RSPO2: variants seen among roughly 807,000 people sequenced by gnomAD.
The protein encoded by RSPO2 is R-spondin 2, also known as R-spondin-2.
A neutral mutation model predicts 30.9 loss-of-function variants in RSPO2; 14 were observed. The observed-to-expected ratio is 0.45, with a 90% CI of 0.30 to 0.71. RSPO2 has a LOEUF of 0.71. Among genes scored for constraint, RSPO2 ranks in the 30% least tolerant of loss-of-function variants. The probability of loss-of-function intolerance (pLI) is 0.08; values close to 1 mark genes in which losing one functional copy is unlikely to be tolerated. For synonymous variants in RSPO2, 107 were observed against 96.4 expected, an observed-to-expected ratio of 1.11 and a Z score of -0.64; for missense variants, 264 against 301.9, an observed-to-expected ratio of 0.87 and a Z score of 0.93.
intron 2 of RSPO2, among the ~76,000 whole-genome samples, chr8:107,995,893 T>C (rs1157063735): frequency 6.6e-6 from 1 of 152,196 alleles, no homozygotes; most frequent in East Asian, 1.9e-4. Context: ...ATACTCACTA[T>C]GGTATTTTGT....
At chr8:107,985,731 G>T in intron 3 of RSPO2, among the ~76,000 whole-genome samples, 1 of 152,096 alleles carries the variant, frequency 6.6e-6, no homozygotes, top group East Asian at 1.9e-4. Flanking sequence ...TTTCATTAAT[G>T]AATGAGAAAA....
chr8:108,037,043 A>G (rs937151029), intron 2 of RSPO2, among the ~76,000 whole-genome samples: 8 of 152,148 alleles, frequency 5.3e-5, no homozygotes, highest in Admixed American at 5.2e-4. Flanking sequence ...AATTAAGACA[A>G]TTAGTAACCC....
chr8:108,032,143 A>G (rs920395916), intron 2 of RSPO2, among the ~76,000 whole-genome samples: 3 of 152,254 alleles, frequency 2.0e-5, no homozygotes, highest in African/African-American at 7.2e-5. Flanking sequence ...GTTCTACTAT[A>G]AAGTTAAGAT....
chr8:108,015,821 C>A (rs1175140867), intron 2 of RSPO2, among the ~76,000 whole-genome samples: 1 of 152,112 alleles, frequency 6.6e-6, no homozygotes, highest in Non-Finnish European at 1.5e-5. Context: ...GCAATAATTT[C>A]TGGATAAAAT....
chr8:108,052,530 C>T (rs551477392), intron 2 of RSPO2, among the ~76,000 whole-genome samples: 1 of 152,092 alleles, frequency 6.6e-6, no homozygotes, highest in Non-Finnish European at 1.5e-5. Flanking sequence ...TTCAGGGAAT[C>T]TTTCCAAAGC....
intron 2 of RSPO2, among the ~76,000 whole-genome samples, chr8:108,065,914 T>C (rs1237898767): frequency 6.6e-6 from 1 of 152,124 alleles, no homozygotes; most frequent in Admixed American, 6.5e-5. Flanking sequence ...GGTGGGTGCC[T>C]GTAATCCCAG....
At chr8:108,061,534 G>C (rs1812463882) in intron 2 of RSPO2, among the ~76,000 whole-genome samples, 1 of 151,658 alleles carries the variant, frequency 6.6e-6, no homozygotes, top group African/African-American at 2.4e-5. Context: ...GATTCATAAA[G>C]CAAATCCTTA....
chr8:107,901,596 T>G (rs1811465478), intron 5 of RSPO2, among the ~76,000 whole-genome samples: 1 of 152,228 alleles, frequency 6.6e-6, no homozygotes, highest in Admixed American at 6.5e-5. Flanking sequence ...ATAGCAAACA[T>G]ACCAGAAGTT....
rs148698030 is a variant in RSPO2, at chr8:107,954,608, T to A, written c.616+3472A>T. Among the ~76,000 whole-genome samples the A allele has an allele frequency of 8.4e-3, 558 of 66,220 alleles. 2 individuals are homozygous for A. The highest frequency in any genetic ancestry group is 0.016 in the African/African-American group (460 of 28,616). 43.4% of individuals were successfully genotyped at this position (66,220 alleles called of 152,430 possible). A position where few individuals can be genotyped will look rare whatever the true frequency, so the allele number is the denominator to read the frequency against. ...CCATCTTTTATTTATTTATTTATTT[T>A]ATTTATTTATTTATTTATTTTGAGA... is the stretch of plus-strand genomic sequence containing the variant. On this transcript the variant is annotated intron_variant, in intron 5 of 5. Coordinates refer to ENST00000276659, the MANE Select transcript of RSPO2 (RefSeq NM_178565.5).
At chr8:107,968,108 G>C (rs1371408894) in intron 3 of RSPO2, among the ~76,000 whole-genome samples, 1 of 151,964 alleles carries the variant, frequency 6.6e-6, no homozygotes, top group African/African-American at 2.4e-5. Context: ...ATCCAAAAGA[G>C]GGGAAATCAA....
chr8:108,064,288 A>G (rs1449313536), intron 2 of RSPO2, among the ~76,000 whole-genome samples: 1 of 152,192 alleles, frequency 6.6e-6, no homozygotes, highest in Non-Finnish European at 1.5e-5. Flanking sequence ...TCCTCTGACA[A>G]AGGGCTAATA....
intron 2 of RSPO2, among the ~76,000 whole-genome samples, chr8:108,035,087 C>G (rs1811547977): frequency 6.6e-6 from 1 of 152,166 alleles, no homozygotes; most frequent in Admixed American, 6.5e-5. Context: ...AGCTGGGGAA[C>G]AGAGAGATTG....
At chr8:108,064,318 A>G (rs1812583716) in intron 2 of RSPO2, among the ~76,000 whole-genome samples, 1 of 151,948 alleles carries the variant, frequency 6.6e-6, no homozygotes, top group Admixed American at 6.6e-5. Flanking sequence ...TACAAAAAAA[A>G]CAAATTTACA....
chr8:107,926,176 T>A (rs1418935344), intron 5 of RSPO2, among the ~76,000 whole-genome samples: 1 of 152,186 alleles, frequency 6.6e-6, no homozygotes, highest in Non-Finnish European at 1.5e-5. Context: ...CATTTTTTCA[T>A]GTGTTTTTTG....
chr8:107,971,739 G>C (rs957033054), intron 3 of RSPO2, among the ~76,000 whole-genome samples: 2 of 152,110 alleles, frequency 1.3e-5, no homozygotes, highest in Non-Finnish European at 2.9e-5. Flanking sequence ...CATTTTTCAC[G>C]TCATTTCCCT....
intron 3 of RSPO2, among the ~76,000 whole-genome samples, chr8:107,974,387 C>A (rs1351443852): frequency 6.6e-6 from 1 of 151,888 alleles, no homozygotes; most frequent in Non-Finnish European, 1.5e-5. Flanking sequence ...TGGCACGCAC[C>A]TGTAGTGCCA....
intron 2 of RSPO2, among the ~76,000 whole-genome samples, chr8:108,013,982 A>G (rs772067806): frequency 6.6e-6 from 1 of 152,218 alleles, no homozygotes; most frequent in Non-Finnish European, 1.5e-5. Context: ...AGAATCTACA[A>G]AGAACTTAAA....
intron 2 of RSPO2, among the ~76,000 whole-genome samples, chr8:108,067,117 A>C (rs570610228): frequency 6.6e-6 from 1 of 152,340 alleles, no homozygotes; most frequent in South Asian, 2.1e-4. Flanking sequence ...TTTTTCAATA[A>C]GTCAATGGCA....
chr8:108,078,256 C>T (rs1002487569), intron 2 of RSPO2, among the ~76,000 whole-genome samples: 20 of 152,148 alleles, frequency 1.3e-4, no homozygotes, highest in African/African-American at 3.9e-4. Flanking sequence ...ACTTTCTGAC[C>T]TCTCTGTACT....
Sources: allele counts gnomAD v4.1 joint callset (sites outside exome capture counted in the v4.1 genomes callset), GRCh38; gene constraint gnomAD v4.1.1; transcripts MANE v1.5; gene names NCBI Gene and HGNC (gene_info 2026-07-23, HGNC 2026-07-21).